THADA: variants seen among roughly 807,000 people sequenced by gnomAD.
THADA encodes the protein tRNA (32-2'-O)-methyltransferase regulator THADA.
A neutral mutation model predicts 219.8 loss-of-function variants in THADA; 213 were observed. The ratio of observed to expected loss-of-function variants is 0.97; its 90% confidence interval spans 0.87 to 1.09. THADA has a LOEUF of 1.09. THADA is among the 50% of genes least tolerant of loss of function. The pLI, the probability that THADA is intolerant of heterozygous loss-of-function variation, is 0.00. For synonymous variants in THADA, 1,018 were observed against 828.9 expected, an observed-to-expected ratio of 1.23 and a Z score of -3.92; for missense variants, 2,956 against 2,311.3, an observed-to-expected ratio of 1.28 and a Z score of -5.72.
intron 13 of THADA, 92 bp from the exon 14 acceptor site, chr2:43,570,602 G>T: frequency 1.5e-6 from 2 of 1,320,088 alleles, no homozygotes; most frequent in Non-Finnish European, 1.0e-6. Context: ...AAAACTTCAG[G>T]CAAGAAGAGT....
rs180849603 is a variant in THADA, at chr2:43,439,662, T to C, written c.3837-9360A>G. Among the ~76,000 whole-genome samples, 718 of 152,328 alleles carry C rather than the reference T, an allele frequency of 4.7e-3. 3 individuals are homozygous for C. Among genetic ancestry groups the C allele is most frequent in the Non-Finnish European group, 8.7e-3 (589 of 68,028 alleles). On this transcript the variant is annotated intron_variant, in intron 26 of 37. Coordinates refer to ENST00000405975, the MANE Select transcript of THADA (RefSeq NM_022065.5). Reference sequence around the variant, plus strand: ...ATTAGTTATTGTTGTTAATCTCTAATTGCACCTAATATCTAAACTTCATCA... The same window carrying C: ...ATTAGTTATTGTTGTTAATCTCTAACTGCACCTAATATCTAAACTTCATCA...
At chr2:43,582,627 T>C (rs1160143532) in intron 7 of THADA, among the ~76,000 whole-genome samples, 5 of 141,834 alleles carry the variant, frequency 3.5e-5, no homozygotes, top group African/African-American at 1.3e-4. Context: ...TGGAGTGCAG[T>C]GGTGCAATCT....
At chr2:43,424,516 C>G (rs1678163845) in intron 28 of THADA, among the ~76,000 whole-genome samples, 1 of 152,160 alleles carries the variant, frequency 6.6e-6, no homozygotes, top group Non-Finnish European at 1.5e-5. Context: ...TCAAAACAGC[C>G]CACTCTTTAC....
rs574027279 is a variant in THADA, at chr2:43,261,276, T to A, written c.5296+18489A>T. On this transcript the variant is annotated intron_variant, in intron 36 of 37. Transcript: ENST00000405975. ...TCTTGCTGTGTCACCCAGGCTGGAG[T>A]GCAGTGGTCCAATCTCGGCTCACTG... Among the ~76,000 whole-genome samples the A allele has an allele frequency of 2.8e-5, 4 of 141,692 alleles. No individual in the cohort carries two copies. In the South Asian group the frequency reaches 8.7e-4, roughly 31 times the overall value. The allele number at this position is 141,692 out of a possible 152,430, so 93.0% of individuals were successfully genotyped here.
intron 36 of THADA, among the ~76,000 whole-genome samples, chr2:43,251,315 T>C (rs1358011340): frequency 6.6e-6 from 1 of 152,204 alleles, no homozygotes; most frequent in South Asian, 2.1e-4. Context: ...GTCTGTTTTA[T>C]AGTTGTGCTT....
In THADA at chr2:43,231,155, G is replaced by C. The variant is rs888835455; in HGVS notation, c.5655C>G (p.Phe1885Leu). The change falls in exon 38 of 38, where the codon TTC becomes TTG. Residue 1885 changes from phenylalanine (F) to leucine (L), a missense_variant. Phe to Leu is a conservative substitution (Grantham distance 22). Transcript: ENST00000405975. The part of the protein sequence containing the change: ...VSEQCHLLSQ[F>L]FRELPPAAEF... The stretch of plus-strand genomic sequence containing the variant: ...CAGCAGCTGGTGGAAGCTCTCTGAA[G>C]AACTGAGACAGGAGGTGGCACTGCT... 6.2e-7 allele frequency: 1 copy of C among 1,611,944 alleles called. No individual in the cohort carries two copies.
At chr2:43,466,697 T>G (rs999113596) in intron 26 of THADA, among the ~76,000 whole-genome samples, 2 of 152,174 alleles carry the variant, frequency 1.3e-5, no homozygotes, top group African/African-American at 4.8e-5. Context: ...TCTCCTAATC[T>G]GCAGGCACGT....
chr2:43,246,271 G>A (rs1401768897), intron 36 of THADA, among the ~76,000 whole-genome samples: 1 of 152,058 alleles, frequency 6.6e-6, no homozygotes, highest in Non-Finnish European at 1.5e-5. Flanking sequence ...GAGGCAGGCG[G>A]ATCACTTGAG....
At chr2:43,290,474 C>G (rs1674565954) in intron 34 of THADA, among the ~76,000 whole-genome samples, 1 of 152,106 alleles carries the variant, frequency 6.6e-6, no homozygotes, top group African/African-American at 2.4e-5. Context: ...TATCTCTGCC[C>G]AGCCTCATGC....
intron 26 of THADA, among the ~76,000 whole-genome samples, chr2:43,475,073 T>C (rs1685352473): frequency 6.6e-6 from 1 of 152,136 alleles, no homozygotes. Context: ...ACCAAGAAGT[T>C]ACATCAAAAC....
At chr2:43,401,950 T>A (rs9309100) in intron 28 of THADA, among the ~76,000 whole-genome samples, 24,659 of 150,728 alleles carry the variant, frequency 0.16, 2,278 homozygotes, top group South Asian at 0.28. Context: ...TTTTTTTTTT[T>A]AAAAAAAATT....
chr2:43,518,342 G>A (rs1429273635), intron 22 of THADA, among the ~76,000 whole-genome samples: 1 of 152,158 alleles, frequency 6.6e-6, no homozygotes, highest in Admixed American at 6.5e-5. Context: ...CCACTGTTAA[G>A]AGCCAGCAGT....
At chr2:43,526,734 A>C (rs1693215594) in intron 22 of THADA, among the ~76,000 whole-genome samples, 1 of 152,188 alleles carries the variant, frequency 6.6e-6, no homozygotes. Flanking sequence ...CCTTTTGTTA[A>C]ATATTTTGAA....
At chr2:43,449,678 AGAATCACTT>A (rs1682067119) in intron 26 of THADA, among the ~76,000 whole-genome samples, 1 of 152,186 alleles carries the variant, frequency 6.6e-6, no homozygotes, top group Admixed American at 6.5e-5. Context: ...CTGAGGTGGG[AGAATCACTT>A]GAACCCAGGA....
intron 22 of THADA, 84 bp from the exon 23 acceptor site, chr2:43,508,864 T>G: frequency 7.6e-7 from 1 of 1,322,692 alleles, no homozygotes. Flanking sequence ...ACACTGTTAG[T>G]AAATAATAAA....
intron 8 of THADA, among the ~76,000 whole-genome samples, chr2:43,579,764 G>C (rs924732906): frequency 6.6e-6 from 1 of 152,158 alleles, no homozygotes; most frequent in African/African-American, 2.4e-5. Flanking sequence ...AGCTACAGCA[G>C]TCATATGGCA....
At chr2:43,544,794 CTAGA>C (rs1487515542) in intron 20 of THADA, among the ~76,000 whole-genome samples, 4 of 151,526 alleles carry the variant, frequency 2.6e-5, no homozygotes, top group Non-Finnish European at 4.4e-5. Flanking sequence ...ATGGGGTTTT[CTAGA>C]TATACAATCA....
intron 22 of THADA, among the ~76,000 whole-genome samples, chr2:43,520,193 T>C (rs1692231664): frequency 6.6e-6 from 1 of 152,220 alleles, no homozygotes; most frequent in South Asian, 2.1e-4. Context: ...TCCAAAATCC[T>C]GCTTTTGTTA....
At chr2:43,515,364 A>G (rs181680672) in intron 22 of THADA, among the ~76,000 whole-genome samples, 1 of 72,878 alleles carries the variant, frequency 1.4e-5, no homozygotes, top group Non-Finnish European at 2.5e-5. Context: ...TATATAATAT[A>G]TAATATATAA....
Sources: allele counts gnomAD v4.1 joint callset (sites outside exome capture counted in the v4.1 genomes callset), GRCh38; gene constraint gnomAD v4.1.1; transcripts MANE v1.5; gene names NCBI Gene and HGNC (gene_info 2026-07-23, HGNC 2026-07-21).